Variants in DAB1 observed in about 807,000 individuals in gnomAD.
DAB1 encodes disabled homolog 1.
Under a neutral mutation model 64.6 loss-of-function variants are expected in DAB1, and 15 were observed. The ratio of observed to expected loss-of-function variants is 0.23; its 90% confidence interval spans 0.16 to 0.36. The LOEUF is 0.36. DAB1 is among the 10% of genes least tolerant of loss of function. The pLI is 1.00. For missense variants in DAB1, 596 were observed against 706.7 expected (o/e 0.84, Z 1.78); for synonymous variants, 235 against 251.9 (o/e 0.93, Z 0.64).
At chr1:57,355,879 C>G (rs1404739858) in intron 1 of DAB1, among the ~76,000 whole-genome samples, 1 of 33,516 alleles carries the variant, frequency 3.0e-5, no homozygotes, top group Non-Finnish European at 7.4e-5. Flanking sequence ...AATAAACACA[C>G]ACACACACAC....
At chr1:57,187,420 A>G (rs1663677742) in intron 2 of DAB1, among the ~76,000 whole-genome samples, 1 of 152,238 alleles carries the variant, frequency 6.6e-6, no homozygotes, top group Non-Finnish European at 1.5e-5. Flanking sequence ...ACTATAAAGT[A>G]CCACAGTCTA....
intron 4 of DAB1, among the ~76,000 whole-genome samples, chr1:57,108,986 T>G (rs1423813204): frequency 6.6e-6 from 1 of 152,236 alleles, no homozygotes; most frequent in African/African-American, 2.4e-5. Context: ...TTTGATGTAC[T>G]GTCACTTTGA....
chr1:58,490,034 C>T (rs1007876899), intron 3 of DAB1, among the ~76,000 whole-genome samples: 5 of 152,164 alleles, frequency 3.3e-5, no homozygotes, highest in African/African-American at 7.2e-5. Flanking sequence ...AATCAGAGTG[C>T]CTCTCCTCCT....
At chr1:58,008,192 A>G (rs886691578) in intron 5 of DAB1, among the ~76,000 whole-genome samples, 4 of 152,198 alleles carry the variant, frequency 2.6e-5, no homozygotes, top group African/African-American at 9.6e-5. Context: ...AGTTTGAGTA[A>G]CTTGCCCAAG....
chr1:58,202,576 C>A lies in DAB1; in HGVS notation n.310-51988G>T, dbSNP rs2100267516. 2.0e-5 allele frequency among the ~76,000 whole-genome samples: 3 copies of A among 152,272 alleles called. No individual in the cohort carries two copies. The Middle Eastern group carries it at 0.01, about 521-fold the overall frequency. ...CTTCCCCACCTAAAAAATAAGAATT[C>A]TATTAATACCTGTCAATTTCTGTTT... On this transcript the variant is annotated intron_variant and non_coding_transcript_variant, in intron 4 of 20. Coordinates refer to the DAB1 transcript ENST00000485760.
intron 5 of DAB1, among the ~76,000 whole-genome samples, chr1:58,030,188 C>A (rs1646950806): frequency 6.6e-6 from 1 of 152,060 alleles, no homozygotes; most frequent in Non-Finnish European, 1.5e-5. Flanking sequence ...GCCTGGGTGA[C>A]AGAGTGAGAC....
At chr1:58,458,316 C>T (rs551081667) in intron 3 of DAB1, among the ~76,000 whole-genome samples, 1 of 152,282 alleles carries the variant, frequency 6.6e-6, no homozygotes, top group African/African-American at 2.4e-5. Flanking sequence ...CAGACACTTT[C>T]TATATATTCT....
At chr1:57,975,579 T>C (rs530553300) in intron 5 of DAB1, among the ~76,000 whole-genome samples, 2 of 152,292 alleles carry the variant, frequency 1.3e-5, no homozygotes, top group East Asian at 1.9e-4. Flanking sequence ...ATGGTTTGTA[T>C]AGGGATATGC....
At chr1:58,339,181 G>A (rs1338705903) in intron 4 of DAB1, among the ~76,000 whole-genome samples, 1 of 152,104 alleles carries the variant, frequency 6.6e-6, no homozygotes, top group African/African-American at 2.4e-5. Context: ...TTTTTCATGT[G>A]TGGTGTAAAA....
chr1:57,230,682 C>CATAT (rs66693176), intron 2 of DAB1, among the ~76,000 whole-genome samples: 4 of 151,636 alleles, frequency 2.6e-5, no homozygotes, highest in Admixed American at 6.6e-5. Flanking sequence ...TATTTTGACA[C>CATAT]ATATATATAA....
At chr1:57,154,118 A>C (rs1659982391) in intron 2 of DAB1, among the ~76,000 whole-genome samples, 1 of 152,088 alleles carries the variant, frequency 6.6e-6, no homozygotes, top group African/African-American at 2.4e-5. Context: ...GGCTATAGTC[A>C]CCTTGTTGTG....
chr1:57,612,479 GAGA>G (rs1645740267), intron 7 of DAB1, among the ~76,000 whole-genome samples: 9 of 152,126 alleles, frequency 5.9e-5, no homozygotes, highest in Admixed American at 5.9e-4. Context: ...GAGTCAGAGA[GAGA>G]AGATGTAAGG....
chr1:57,099,330 A>G (rs1475737020), intron 4 of DAB1, among the ~76,000 whole-genome samples: 1 of 152,262 alleles, frequency 6.6e-6, no homozygotes, highest in African/African-American at 2.4e-5. Flanking sequence ...CATTGTGTTT[A>G]GCATGATGTC....
At chr1:57,079,653 T>C (rs1303070994) in intron 4 of DAB1, among the ~76,000 whole-genome samples, 2 of 152,176 alleles carry the variant, frequency 1.3e-5, no homozygotes, top group Non-Finnish European at 2.9e-5. Flanking sequence ...TGCTTCCCCA[T>C]GCTGACTCAC....
At chr1:57,128,880 C>T (rs184186272) in intron 4 of DAB1, among the ~76,000 whole-genome samples, 1 of 152,234 alleles carries the variant, frequency 6.6e-6, no homozygotes, top group African/African-American at 2.4e-5. Flanking sequence ...GAGATGCCAC[C>T]GCCTGGAACT....
At chr1:57,793,827 A>G (rs1569705580) in intron 6 of DAB1, among the ~76,000 whole-genome samples, 2 of 152,128 alleles carry the variant, frequency 1.3e-5, no homozygotes, top group South Asian at 2.1e-4. Context: ...AGAGGACTCA[A>G]CCTCACAAAG....
chr1:57,360,955 T>C (rs1679499208), intron 1 of DAB1, among the ~76,000 whole-genome samples: 1 of 152,058 alleles, frequency 6.6e-6, no homozygotes, highest in Non-Finnish European at 1.5e-5. Context: ...TAAGGACCCA[T>C]AGGTAAAAAG....
At chr1:58,242,316 T>C (rs752091013) in intron 4 of DAB1, among the ~76,000 whole-genome samples, 67 of 152,078 alleles carry the variant, frequency 4.4e-4, no homozygotes, top group Non-Finnish European at 6.6e-4. Context: ...CAAATGATTA[T>C]AGGAACTTAG....
chr1:57,072,369 T>C lies in DAB1; in HGVS notation c.352A>G (p.Lys118Glu). 6.2e-7 allele frequency: 1 copy of C among 1,613,766 alleles called. No homozygotes were observed. Among genetic ancestry groups the C allele is most frequent in the Non-Finnish European group, 8.5e-7 (1 of 1,179,738 alleles). ...HAVHEISYIA[K>E]DITDHRAFGY... is the part of the protein sequence containing the mutation. ...AAGGCCCGGTGATCTGTAATGTCCT[T>C]TGCAATGTAGGATATTTCATGAACA... The change falls in exon 5 of 15, where the codon AAG becomes GAG. Residue 118 changes from lysine to glutamate, a missense_variant. By Grantham distance (56) the Lys-to-Glu change is moderately conservative. This residue lies in a region of DAB1 where 176 missense variants were observed against 266.7 expected (regional missense o/e 0.66). Coordinates refer to ENST00000371236, the MANE Select transcript of DAB1 (RefSeq NM_001365792.1).
Sources: allele counts gnomAD v4.1 joint callset (sites outside exome capture counted in the v4.1 genomes callset), GRCh38; gene constraint gnomAD v4.1.1; regional missense constraint gnomAD v4.1.1; transcripts MANE v1.5; gene names NCBI Gene and HGNC (gene_info 2026-07-23, HGNC 2026-07-21).